KIAA1755: variants seen among roughly 807,000 people sequenced by gnomAD.
The protein encoded by KIAA1755 is KIAA1755, also known as uncharacterized protein KIAA1755.
Under a neutral mutation model 91.7 loss-of-function variants are expected in KIAA1755, and 68 were observed. The ratio of observed to expected loss-of-function variants is 0.74; its 90% confidence interval spans 0.61 to 0.91. The LOEUF is 0.91. KIAA1755 is among the 40% of genes least tolerant of loss of function. KIAA1755 has a pLI of 0.00. For synonymous variants in KIAA1755, 610 were observed against 604.6 expected (o/e 1.01, Z -0.13); for missense variants, 1,535 against 1,494.4 (o/e 1.03, Z -0.45).
rs1555833336 is a variant in KIAA1755, at chr20:38,259,455, A to ACG, written c.3+1042_3+1043insCG. Among the ~76,000 whole-genome samples the ACG allele has an allele frequency of 1.2e-3, 147 of 120,056 alleles. 1 individual carries two copies. Among genetic ancestry groups the ACG allele is most frequent in the African/African-American group, 4.4e-3 (141 of 31,780 alleles). 78.8% of individuals were successfully genotyped at this position (120,056 alleles called of 152,430 possible). A position where few individuals can be genotyped will look rare whatever the true frequency, so the allele number is the denominator to read the frequency against. ...AGGTGTGCTCTGTGCGTGCATGTGTATGTGTGTGTGCATGTGTACGTGTGT... is the reference window on the plus strand; with the variant it reads ...AGGTGTGCTCTGTGCGTGCATGTGTACGTGTGTGTGTGCATGTGTACGTGTGT... On this transcript the variant is annotated intron_variant, in intron 1 of 13. Coordinates refer to ENST00000279024, the MANE Select transcript of KIAA1755 (RefSeq NM_001029864.2).
intron 2 of KIAA1755, among the ~76,000 whole-genome samples, chr20:38,243,172 T>A (rs571267714): frequency 1.3e-5 from 2 of 152,196 alleles, no homozygotes; most frequent in Non-Finnish European, 2.9e-5. Context: ...CTTATATAAT[T>A]TGGATGTGTG....
chr20:38,217,050 C>T, intron 13 of KIAA1755: 1 of 645,506 alleles, frequency 1.5e-6, no homozygotes, highest in Non-Finnish European at 2.8e-6. Context: ...GTCTGGGTAT[C>T]CCTGTCCCTG....
At chr20:38,233,905 G>A (rs1302936258) in intron 4 of KIAA1755, 1 of 152,178 alleles carries the variant, frequency 6.6e-6, no homozygotes, top group African/African-American at 2.4e-5. Context: ...TGGAGATAGG[G>A]TGTTTAAAGA....
At chr20:38,259,728 C>G (rs2076408126) in intron 1 of KIAA1755, among the ~76,000 whole-genome samples, 1 of 151,632 alleles carries the variant, frequency 6.6e-6, no homozygotes, top group Admixed American at 6.6e-5. Flanking sequence ...TTGTATCTGT[C>G]TGGAGCTGGG....
intron 7 of KIAA1755, among the ~76,000 whole-genome samples, 173 bp downstream of exon 7, chr20:38,226,981 C>T (rs533566291): frequency 2.0e-5 from 3 of 152,278 alleles, no homozygotes; most frequent in South Asian, 4.1e-4. Flanking sequence ...ATGCCTGCCA[C>T]GGATCTATAC....
At position 38,217,097 on chromosome 20, in the gene KIAA1755, G is replaced by A. The variant is rs1467188252; in HGVS notation, c.2901+156C>T. ...GCCAGGGGATGGGGGTGGTGTCTGTGCAAGTGGGTGGGGGGGGGCTGTGTC... is the reference window on the plus strand; with the variant it reads ...GCCAGGGGATGGGGGTGGTGTCTGTACAAGTGGGTGGGGGGGGGCTGTGTC... On this transcript the variant is annotated intron_variant, in intron 13 of 13. Coordinates refer to ENST00000279024, the MANE Select transcript of KIAA1755 (RefSeq NM_001029864.2). 6.0e-6 allele frequency: 4 copies of A among 662,484 alleles called. No homozygotes were observed. The East Asian group carries it at 8.2e-5, about 14-fold the overall frequency. 41.0% of individuals were successfully genotyped at this position (662,484 alleles called of 1,614,324 possible). A position where few individuals can be genotyped will look rare whatever the true frequency, so the allele number is the denominator to read the frequency against.
rs1429870778 is a variant in KIAA1755, at chr20:38,211,674, G to A, written c.*1368C>T. 6.6e-6 allele frequency: 1 copy of A among 152,310 alleles called. No homozygotes were observed. Among genetic ancestry groups the A allele is most frequent in the African/African-American group, 2.4e-5 (1 of 41,458 alleles). 9.4% of individuals were successfully genotyped at this position (152,310 alleles called of 1,614,324 possible). ...CTTGGTGGGGAGGTGAGAGAGAGGA[G>A]GGACCTCTAAGGCGGAGAGGATTCT... On this transcript the variant is annotated 3_prime_UTR_variant, in exon 14 of 14. Transcript: ENST00000279024.
rs953711739 is a variant in KIAA1755 at position 38,241,473 on chromosome 20, C to T, written c.658G>A (p.Ala220Thr). 10 of 1,614,210 alleles carry T rather than the reference C, an allele frequency of 6.2e-6. No individual in the cohort carries two copies. Among genetic ancestry groups the T allele is most frequent in the Non-Finnish European group, 8.5e-6 (10 of 1,180,024 alleles). ...DLSSPQELHQ[A>T]SSPDNQVLPA... is the part of the protein sequence containing the mutation. ...AGCACCTGGTTGTCTGGGGAGCTGG[C>T]CTGGTGCAACTCTTGAGGGCTGCTC... The change falls in exon 3 of 14, where the codon GCC becomes ACC. Residue 220 changes from alanine to threonine, a missense_variant. Coordinates refer to ENST00000279024, the MANE Select transcript of KIAA1755 (RefSeq NM_001029864.2).
At chr20:38,217,547 T>G (rs552463590) in intron 12 of KIAA1755, 73 bp from the exon 13 acceptor site, 155 of 1,086,180 alleles carry the variant, frequency 1.4e-4, no homozygotes, top group Non-Finnish European at 1.8e-4. Flanking sequence ...GTCAGCAACC[T>G]CCAGCTGCCT....
chr20:38,239,627 C>A lies in KIAA1755; in HGVS notation c.1648G>T (p.Glu550Ter). 6.2e-7 allele frequency: 1 copy of A among 1,605,262 alleles called. No individual in the cohort carries two copies. Among genetic ancestry groups the A allele is most frequent in the Middle Eastern group, 1.7e-4 (1 of 5,986 alleles). The change falls in exon 4 of 14, where the codon GAA (glutamate) becomes TAA (stop). Residue 550 changes from glutamate to a stop codon, truncating the protein, a stop_gained. Coordinates refer to ENST00000279024, the MANE Select transcript of KIAA1755 (RefSeq NM_001029864.2). LOFTEE classifies it high-confidence loss of function. ...TCCTCCTCCAGGGTGGGGCCTCTTT[C>A]TGGGGAGCCTGCAGAAGCTTCTGGC... ...ALPEASAGSP[E>*]RGPTLEEEPP...
rs566707635 is a variant in KIAA1755, at chr20:38,257,482, G to A, written c.3+3016C>T. 2.0e-5 allele frequency among the ~76,000 whole-genome samples: 3 copies of A among 151,646 alleles called. No individual in the cohort carries two copies. The East Asian group carries it at 5.8e-4, about 29-fold the overall frequency. On this transcript the variant is annotated intron_variant, in intron 1 of 13. Transcript: ENST00000279024. ...TATAGTCCCAGCTACGCAGGAGGCT[G>A]AGGCATGAGAATTGCTTAAACCTGG...
chr20:38,249,801 C>A (rs564548854), intron 1 of KIAA1755, among the ~76,000 whole-genome samples: 2 of 152,128 alleles, frequency 1.3e-5, no homozygotes, highest in South Asian at 2.1e-4. Flanking sequence ...TAATCCCCCC[C>A]CAACCCCCAC....
rs1289625204 is a variant in KIAA1755, at chr20:38,216,537, T to A, written c.2901+716A>T. On this transcript the variant is annotated intron_variant, in intron 13 of 13. Coordinates refer to ENST00000279024, the MANE Select transcript of KIAA1755 (RefSeq NM_001029864.2). ...ACTGGGTCTGGGCCAGCCATGGGGG[T>A]CCCTGTCCCAGCTGGACCACACTCT... Among the ~76,000 whole-genome samples the A allele has an allele frequency of 2.0e-5, 3 of 152,066 alleles. No individual in the cohort carries two copies. In the South Asian group the frequency reaches 6.2e-4, roughly 32 times the overall value.
chr20:38,243,208 C>T (rs937736591), intron 2 of KIAA1755, among the ~76,000 whole-genome samples: 1 of 152,184 alleles, frequency 6.6e-6, no homozygotes, highest in Non-Finnish European at 1.5e-5. Flanking sequence ...GAGAGTGAGA[C>T]TGAATTTCCT....
chr20:38,245,876 C>T, intron 2 of KIAA1755, 53 bp downstream of exon 2: 1 of 1,571,438 alleles, frequency 6.4e-7, no homozygotes, highest in East Asian at 2.2e-5. Flanking sequence ...GCCTCTAGCC[C>T]CATGACTTTC....
intron 4 of KIAA1755, among the ~76,000 whole-genome samples, chr20:38,236,620 T>C (rs1208321504): frequency 6.6e-6 from 1 of 152,164 alleles, no homozygotes; most frequent in African/African-American, 2.4e-5. Flanking sequence ...CAGGAGGAAG[T>C]GGCCATCCAT....
chr20:38,240,796 C>G lies in KIAA1755; in HGVS notation c.1335G>C (p.Glu445Asp), dbSNP rs2076045697. 6.2e-7 allele frequency: 1 copy of G among 1,611,044 alleles called. No individual in the cohort carries two copies. The highest frequency in any genetic ancestry group is 8.5e-7 in the Non-Finnish European group (1 of 1,178,670). ...TGGGCTTGGGAAGTCTCCCATTTCT[C>G]TCTTTGGTCTTCACCTCTATCTTTG... is the stretch of plus-strand genomic sequence containing the variant. The part of the protein sequence containing the change: ...SETKIEVKTK[E>D]RNGRLPKPMP... The change falls in exon 3 of 14, where the codon GAG becomes GAC. Residue 445 changes from glutamate to aspartate, a missense_variant. By Grantham distance (45) the Glu-to-Asp change is conservative. Coordinates refer to ENST00000279024, the MANE Select transcript of KIAA1755 (RefSeq NM_001029864.2).
intron 6 of KIAA1755, 145 bp from the exon 7 acceptor site, chr20:38,227,385 T>C: frequency 1.8e-6 from 1 of 567,722 alleles, no homozygotes; most frequent in Non-Finnish European, 3.2e-6. Context: ...GGAATCTTTG[T>C]GTGATACGTT....
In KIAA1755 at chr20:38,213,002, A is replaced by G. The variant is rs772534311; in HGVS notation, c.*40T>C. ...TACCCCTCCAGCTGGGCCCTGGCCC[A>G]GTGCTCCTGGAGGCTGGTGCGACTG... On this transcript the variant is annotated 3_prime_UTR_variant, in exon 14 of 14. Coordinates refer to ENST00000279024, the MANE Select transcript of KIAA1755 (RefSeq NM_001029864.2). The G allele has an allele frequency of 1.3e-6, 2 of 1,482,400 alleles. No individual in the cohort carries two copies. Among genetic ancestry groups the G allele is most frequent in the Non-Finnish European group, 1.8e-6 (2 of 1,104,806 alleles). 91.8% of individuals were successfully genotyped at this position (1,482,400 alleles called of 1,614,324 possible). A position where few individuals can be genotyped will look rare whatever the true frequency, so the allele number is the denominator to read the frequency against.
Sources: allele counts gnomAD v4.1 joint callset (sites outside exome capture counted in the v4.1 genomes callset), GRCh38; gene constraint gnomAD v4.1.1; transcripts MANE v1.5; gene names NCBI Gene and HGNC (gene_info 2026-07-23, HGNC 2026-07-21).